The following CFAP61 variants were observed in gnomAD, a reference collection of about 807,000 sequenced individuals.
CFAP61 encodes the protein cilia and flagella associated protein 61, also known as cilia- and flagella-associated protein 61.
Under a neutral mutation model 135.6 loss-of-function variants are expected in CFAP61, and 107 were observed. The observed-to-expected ratio is 0.79, with a 90% confidence interval of 0.67 to 0.93. CFAP61 has a LOEUF of 0.93. Among genes scored for constraint, CFAP61 ranks in the 40% least tolerant of loss-of-function variants. CFAP61 has a pLI of 0.00. For synonymous variants in CFAP61, 575 were observed against 578.5 expected (o/e 0.99, Z 0.09); for missense variants, 1,507 against 1,556.2 (o/e 0.97, Z 0.53).
intron 8 of CFAP61, among the ~76,000 whole-genome samples, chr20:20,129,052 G>T (rs1202374463): frequency 6.6e-6 from 1 of 151,328 alleles, no homozygotes; most frequent in Non-Finnish European, 1.5e-5. Context: ...GTTTTTGACA[G>T]ATTTTTCTTT....
intron 13 of CFAP61, among the ~76,000 whole-genome samples, chr20:20,178,128 A>G (rs1489767663): frequency 1.3e-5 from 2 of 152,134 alleles, no homozygotes; most frequent in African/African-American, 4.8e-5. Flanking sequence ...GGGACAAATT[A>G]TTCATTCTGT....
chr20:20,205,491 GA>G (rs1406324140), intron 17 of CFAP61, among the ~76,000 whole-genome samples: 5 of 152,176 alleles, frequency 3.3e-5, no homozygotes, highest in Non-Finnish European at 7.3e-5. Flanking sequence ...CTCATGATAG[GA>G]AAACCAAACT....
chr20:20,099,067 G>A (rs1481713397), intron 8 of CFAP61, among the ~76,000 whole-genome samples: 1 of 151,864 alleles, frequency 6.6e-6, no homozygotes, highest in Non-Finnish European at 1.5e-5. Flanking sequence ...CTCACTTCTT[G>A]AATGTTCATT....
At chr20:20,060,725 ACT>A (rs1002783793) in intron 2 of CFAP61, among the ~76,000 whole-genome samples, 3 of 152,154 alleles carry the variant, frequency 2.0e-5, no homozygotes, top group Non-Finnish European at 2.9e-5. Flanking sequence ...CAGAAGTGAG[ACT>A]CTATTTGACT....
At chr20:20,289,019 T>G in intron 23 of CFAP61, 83 bp downstream of exon 23, 9 of 1,152,292 alleles carry the variant, frequency 7.8e-6, no homozygotes, top group Non-Finnish European at 1.1e-5. Flanking sequence ...CAGGTTTCTC[T>G]TAGGCTTGGG....
Position 20,188,164 on chromosome 20 carries a change from G to C in CFAP61, c.1512+108G>C, listed in dbSNP as rs2055650667. 2.6e-6 allele frequency: 3 copies of C among 1,161,112 alleles called. No individual in the cohort carries two copies. The Admixed American group carries it at 6.0e-5, about 23-fold the overall frequency. 71.9% of individuals were successfully genotyped at this position (1,161,112 alleles called of 1,614,324 possible). On this transcript the variant is annotated intron_variant, in intron 14 of 26. Transcript: ENST00000245957. ...TCTGAGTTGGAAAATCATATGGCAG[G>C]GGGCAGTGGAGGTAGAGTTAGAAGA...
intron 2 of CFAP61, among the ~76,000 whole-genome samples, chr20:20,058,322 T>C (rs2044534558): frequency 6.6e-6 from 1 of 152,226 alleles, no homozygotes; most frequent in South Asian, 2.1e-4. Flanking sequence ...TGGAAACAAC[T>C]AAAATACTGA....
At chr20:20,067,332 C>T (rs1041533334) in intron 2 of CFAP61, among the ~76,000 whole-genome samples, 2 of 152,038 alleles carry the variant, frequency 1.3e-5, no homozygotes, top group African/African-American at 4.8e-5. Flanking sequence ...CCTGTAATCC[C>T]AGCAGTTTGG....
intron 24 of CFAP61, among the ~76,000 whole-genome samples, chr20:20,291,432 T>C (rs1249395093): frequency 6.6e-6 from 1 of 152,250 alleles, no homozygotes. Flanking sequence ...TCTTTTCAGG[T>C]TGGCTTCTTT....
chr20:20,187,719 G>T (rs1266916594), intron 13 of CFAP61, among the ~76,000 whole-genome samples: 2 of 152,068 alleles, frequency 1.3e-5, no homozygotes, highest in Non-Finnish European at 2.9e-5. Context: ...CATTATCAGT[G>T]ATATTTACCT....
chr20:20,329,963 G>A (rs1440510343), intron 25 of CFAP61, among the ~76,000 whole-genome samples: 1 of 152,180 alleles, frequency 6.6e-6, no homozygotes, highest in African/African-American at 2.4e-5. Context: ...ATCTCTTGCT[G>A]TCAGAGCACC....
chr20:20,069,960 A>G, intron 2 of CFAP61: 1 of 277,916 alleles, frequency 3.6e-6, no homozygotes, highest in South Asian at 3.6e-5. Context: ...CCTCCAACTT[A>G]AGATGCCAGT....
intron 21 of CFAP61, chr20:20,267,631 G>C (rs1286765693): frequency 6.6e-6 from 1 of 152,630 alleles, no homozygotes; most frequent in African/African-American, 2.4e-5. Flanking sequence ...TGAGATGGTG[G>C]TGTTGCAGGG....
At chr20:20,098,993 C>G (rs931771191) in intron 8 of CFAP61, among the ~76,000 whole-genome samples, 179 bp downstream of exon 8, 1 of 152,168 alleles carries the variant, frequency 6.6e-6, no homozygotes, top group African/African-American at 2.4e-5. Flanking sequence ...CACAGATAGT[C>G]ACAGTGCAGG....
chr20:20,313,627 A>G (rs932950611), intron 25 of CFAP61, among the ~76,000 whole-genome samples: 8 of 152,194 alleles, frequency 5.3e-5, no homozygotes, highest in African/African-American at 1.9e-4. Flanking sequence ...TCTAGGCATA[A>G]AGGTAGTGTC....
intron 8 of CFAP61, among the ~76,000 whole-genome samples, chr20:20,099,473 A>G (rs2047845760): frequency 6.6e-6 from 1 of 152,170 alleles, no homozygotes; most frequent in African/African-American, 2.4e-5. Context: ...GGGTTCTTAC[A>G]GAAGACAGAT....
chr20:20,185,995 A>G (rs947369435), intron 13 of CFAP61, among the ~76,000 whole-genome samples: 4 of 152,116 alleles, frequency 2.6e-5, no homozygotes, highest in Non-Finnish European at 5.9e-5. Flanking sequence ...TTGGCATTAC[A>G]TATATTTTTG....
At chr20:20,243,999 C>T (rs571628580) in intron 18 of CFAP61, among the ~76,000 whole-genome samples, 46 of 152,318 alleles carry the variant, frequency 3.0e-4, no homozygotes, top group Admixed American at 8.5e-4. Context: ...AAATGATCTC[C>T]TTTGGCTCCA....
chr20:20,129,712 G>T (rs2050362723), intron 8 of CFAP61, among the ~76,000 whole-genome samples: 1 of 148,644 alleles, frequency 6.7e-6, no homozygotes, highest in South Asian at 2.1e-4. Flanking sequence ...GTAATTTTCT[G>T]TATCTTATAG....
Sources: gnomAD v4.1 joint callset for allele counts (sites outside exome capture counted in the v4.1 genomes callset) on GRCh38, gnomAD v4.1.1 for gene constraint, MANE v1.5 for transcripts, NCBI Gene and HGNC (gene_info 2026-07-23, HGNC 2026-07-21) for gene names.